The following MROH9 variants were observed in gnomAD, a reference collection of about 807,000 sequenced individuals.
MROH9 encodes the protein maestro heat-like repeat-containing protein family member 9.
In MROH9, 92 loss-of-function variants were observed where a neutral mutation model predicts 98.2. The observed-to-expected ratio is 0.94, with a 90% confidence interval of 0.79 to 1.11. The LOEUF (loss-of-function observed/expected upper bound fraction) is 1.11. MROH9 is among the 50% of genes most tolerant of loss of function. The pLI is 0.00. For missense variants in MROH9, 1,057 were observed against 1,014.8 expected (o/e 1.04, Z -0.57); for synonymous variants, 397 against 368.9 (o/e 1.08, Z -0.87).
chr1:170,986,321 C>T (rs991072649), intron 9 of MROH9, among the ~76,000 whole-genome samples: 2 of 152,038 alleles, frequency 1.3e-5, no homozygotes, highest in African/African-American at 4.8e-5. Flanking sequence ...GCTTTAAAAT[C>T]AGAAGAAAAA....
chr1:170,970,729 TGTGAGAGAGAGA>T (rs1250090928), intron 7 of MROH9, among the ~76,000 whole-genome samples: 2,050 of 102,056 alleles, frequency 0.02, 57 homozygotes, highest in African/African-American at 0.069. Context: ...TGTGTGTGTG[TGTGAGAGAGAGA>T]GAGAGAGAGA....
intron 20 of MROH9, among the ~76,000 whole-genome samples, chr1:171,046,976 A>G (rs77694480): frequency 0.067 from 10,247 of 152,162 alleles, 1,166 homozygotes; most frequent in African/African-American, 0.23. Context: ...AGCACTTTGA[A>G]TATGTCATGT....
chr1:170,938,980 C>T (rs1484919378), intron 1 of MROH9, among the ~76,000 whole-genome samples: 2 of 152,230 alleles, frequency 1.3e-5, no homozygotes, highest in Admixed American at 1.3e-4. Flanking sequence ...CTACTTTGCT[C>T]ATGAGCCTAT....
intron 20 of MROH9, among the ~76,000 whole-genome samples, chr1:171,047,871 C>T (rs1184565723): frequency 6.6e-6 from 1 of 152,152 alleles, no homozygotes; most frequent in African/African-American, 2.4e-5. Flanking sequence ...TTTGTATCCC[C>T]AAGCCAAGTA....
chr1:171,058,906 G>A (rs976539175), intron 20 of MROH9, among the ~76,000 whole-genome samples: 1 of 152,130 alleles, frequency 6.6e-6, no homozygotes, highest in East Asian at 1.9e-4. Flanking sequence ...AGAAAACCTA[G>A]GCAATACCAT....
Position 170,955,628 on chromosome 1 carries a change from T to C in MROH9, c.73-2833T>C, listed in dbSNP as rs144022430. 3.8e-3 allele frequency among the ~76,000 whole-genome samples: 573 copies of C among 152,258 alleles called. 1 individual carries two copies. The highest frequency in any genetic ancestry group is 0.013 in the African/African-American group (530 of 41,540). ...CCATTTGTATATCTTCTTTTGAGAA[T>C]TGTCTACTCATGTCTTGGCCCACTT... On this transcript the variant is annotated intron_variant, in intron 3 of 21. Transcript: ENST00000367759.
chr1:171,029,986 C>T (rs570526462), intron 20 of MROH9, among the ~76,000 whole-genome samples: 97 of 152,208 alleles, frequency 6.4e-4, no homozygotes, highest in African/African-American at 2.3e-3. Context: ...TGTTATTGGT[C>T]TATTGAGGGA....
At chr1:170,947,610 ATTCTCTTGG>A in intron 3 of MROH9, 37 bp downstream of exon 3, 1 of 1,552,938 alleles carries the variant, frequency 6.4e-7, no homozygotes, top group South Asian at 1.1e-5. Flanking sequence ...ACGTAACTGA[ATTCTCTTGG>A]AAAAAATAAC....
intron 21 of MROH9, among the ~76,000 whole-genome samples, chr1:171,062,741 A>T (rs2101879142): frequency 6.6e-6 from 1 of 152,320 alleles, no homozygotes; most frequent in South Asian, 2.1e-4. Context: ...TCAGGGTAAG[A>T]ATTACAAATA....
At chr1:171,053,095 C>G (rs1232905224) in intron 20 of MROH9, among the ~76,000 whole-genome samples, 1 of 152,196 alleles carries the variant, frequency 6.6e-6, no homozygotes, top group Non-Finnish European at 1.5e-5. Flanking sequence ...GCGGCTTCAA[C>G]AATTCTCCTT....
At chr1:171,053,212 G>C (rs1653725488) in intron 20 of MROH9, among the ~76,000 whole-genome samples, 1 of 152,214 alleles carries the variant, frequency 6.6e-6, no homozygotes, top group Non-Finnish European at 1.5e-5. Context: ...TTCAAAGCAA[G>C]TGCTCTGAGG....
At chr1:170,938,863 GC>G (rs1649003919) in intron 1 of MROH9, among the ~76,000 whole-genome samples, 2 of 152,202 alleles carry the variant, frequency 1.3e-5, no homozygotes, top group South Asian at 2.1e-4. Flanking sequence ...GTTTTTCTCT[GC>G]TACTGGCATA....
intron 10 of MROH9, among the ~76,000 whole-genome samples, chr1:170,989,381 G>A (rs892623562): frequency 3.9e-5 from 6 of 152,196 alleles, no homozygotes; most frequent in Non-Finnish European, 7.3e-5. Context: ...TTGCAACATT[G>A]TGGGTTAGTG....
chr1:171,048,073 G>T (rs567848472), intron 20 of MROH9, among the ~76,000 whole-genome samples: 1 of 152,260 alleles, frequency 6.6e-6, no homozygotes, highest in African/African-American at 2.4e-5. Flanking sequence ...CATCCCTGTG[G>T]CCACCACCAC....
At chr1:171,055,632 A>G (rs1278048916) in intron 20 of MROH9, among the ~76,000 whole-genome samples, 1 of 151,574 alleles carries the variant, frequency 6.6e-6, no homozygotes, top group African/African-American at 2.4e-5. Context: ...AAAAAAAAAA[A>G]AAAAAAAAAG....
At chr1:170,951,253 C>T (rs1024817188) in intron 3 of MROH9, among the ~76,000 whole-genome samples, 2 of 152,044 alleles carry the variant, frequency 1.3e-5, no homozygotes, top group African/African-American at 4.8e-5. Context: ...ATTCCAATTA[C>T]AGAAACAAAT....
At chr1:171,011,951 G>C (rs900602920) in intron 15 of MROH9, among the ~76,000 whole-genome samples, 10 of 151,334 alleles carry the variant, frequency 6.6e-5, no homozygotes, top group African/African-American at 2.4e-4. Context: ...CTTTAGCACT[G>C]TTTTATATTT....
intron 13 of MROH9, 66 bp downstream of exon 13, chr1:170,995,597 C>T (rs1651537999): frequency 1.3e-6 from 2 of 1,559,924 alleles, no homozygotes; most frequent in African/African-American, 1.4e-5. Context: ...TACTTCTACC[C>T]TCTTGGGTTC....
intron 4 of MROH9, 89 bp from the exon 5 acceptor site, chr1:170,959,373 T>A: frequency 8.8e-7 from 1 of 1,132,784 alleles, no homozygotes; most frequent in Non-Finnish European, 1.2e-6. Context: ...AGACTCTGTC[T>A]CAAAATAAAT....
Sources: gnomAD v4.1 joint callset for allele counts (sites outside exome capture counted in the v4.1 genomes callset) on GRCh38, gnomAD v4.1.1 for gene constraint, MANE v1.5 for transcripts, NCBI Gene and HGNC (gene_info 2026-07-23, HGNC 2026-07-21) for gene names.